The following KCNA2 variants were observed in gnomAD, a reference collection of about 807,000 sequenced individuals.
KCNA2 encodes the protein potassium channel, voltage gated shaker related subfamily A, member 2.
Under a neutral mutation model 33.4 loss-of-function variants are expected in KCNA2, and 11 were observed. The ratio of observed to expected loss-of-function variants is 0.33; its 90% CI spans 0.21 to 0.55. The LOEUF is 0.55. Ranked by LOEUF, KCNA2 falls within the 20% of genes least tolerant of loss-of-function variation. KCNA2 has a pLI of 0.93. For synonymous variants in KCNA2, 222 were observed against 231.3 expected, an observed-to-expected ratio of 0.96 and a Z score of 0.37; for missense variants, 291 against 621.6, an observed-to-expected ratio of 0.47 and a Z score of 5.66.
upstream of KCNA2, among the ~76,000 whole-genome samples, chr1:110,608,600 AG>A (rs1386962817): frequency 6.6e-6 from 1 of 152,154 alleles, no homozygotes; most frequent in Non-Finnish European, 1.5e-5. Context: ...CTAGAGCTGC[AG>A]GGGGTGGTCT....
Position 110,597,331 on chromosome 1 carries a change from T to C in KCNA2, c.*5952A>G, listed in dbSNP as rs1177022308. The C allele has an allele frequency of 1.0e-6, 1 of 985,106 alleles. No individual in the cohort carries two copies. The highest frequency in any genetic ancestry group is 1.1e-4 in the East Asian group (1 of 8,812). The allele number at this position is 985,106 out of a possible 1,614,324, so 61.0% of individuals were successfully genotyped here. On this transcript the variant is annotated 3_prime_UTR_variant, in exon 3 of 3. Transcript: ENST00000316361. Reference sequence around the variant, plus strand: ...GCTCAGGATGCTTTATTCTTATCTATTGGGAAGTGCTTTCGTGTAGGCTTC... The same window carrying C: ...GCTCAGGATGCTTTATTCTTATCTACTGGGAAGTGCTTTCGTGTAGGCTTC...
chr1:110,593,797 C>A lies in KCNA2; in HGVS notation c.*9486G>T. On this transcript the variant is annotated 3_prime_UTR_variant, in exon 3 of 3. Coordinates refer to ENST00000316361, the MANE Select transcript of KCNA2 (RefSeq NM_004974.4). ...TATAACCTATGTACAAATATCAGACCCTACTGACACAGGAACTCTCAGCTG... is the reference window on the plus strand; with the variant it reads ...TATAACCTATGTACAAATATCAGACACTACTGACACAGGAACTCTCAGCTG... The A allele has an allele frequency of 6.8e-7, 1 of 1,462,376 alleles. No individual in the cohort carries two copies. The highest frequency in any genetic ancestry group is 1.3e-5 in the South Asian group (1 of 78,816). The allele number at this position is 1,462,376 out of a possible 1,614,324, so 90.6% of individuals were successfully genotyped here.
intron 1 of KCNA2, among the ~76,000 whole-genome samples, chr1:110,615,799 C>T (rs557991082): frequency 2.1e-4 from 32 of 152,250 alleles, no homozygotes; most frequent in African/African-American, 7.0e-4. Context: ...GGGGCACAAA[C>T]GACAGCTAGG....
chr1:110,622,936 T>A (rs1260392145), intron 1 of KCNA2, among the ~76,000 whole-genome samples: 1 of 152,192 alleles, frequency 6.6e-6, no homozygotes, highest in Non-Finnish European at 1.5e-5. Flanking sequence ...AGAATCTCAA[T>A]AAAAATCTTG....
At chr1:110,605,312 C>T (rs896240021) in intron 2 of KCNA2, 79 bp downstream of exon 2, 1 of 155,030 alleles carries the variant, frequency 6.5e-6, no homozygotes, top group Non-Finnish European at 1.4e-5. Flanking sequence ...GGTTGGGGAG[C>T]TTGGGCCTGG....
intron 1 of KCNA2, among the ~76,000 whole-genome samples, chr1:110,619,948 A>G (rs1420957000): frequency 6.6e-6 from 1 of 152,024 alleles, no homozygotes; most frequent in Non-Finnish European, 1.5e-5. Context: ...TTAACGTCCT[A>G]GGAGACCACC....
At position 110,603,407 on chromosome 1, in the gene KCNA2, A is replaced by G. The variant is rs1240735950; in HGVS notation, c.1376T>C (p.Met459Thr). ...SASTISKSDY[M>T]EIQEGVNNSN... ...GTTATTTACACCCTCCTGGATCTCC[A>G]TGTAATCAGACTTACTAATGGTAGA... is the stretch of plus-strand genomic sequence containing the variant. Residue 459 changes from methionine (M) to threonine (T), a missense_variant, in exon 3 of 3, where the codon ATG becomes ACG. Physicochemically the swap from Met to Thr is moderately conservative, Grantham distance 81. Around this residue, in one of 5 missense-constraint regions of KCNA2, gnomAD observed 65 missense variants for 95.1 expected, o/e 0.68. Coordinates refer to ENST00000316361, the MANE Select transcript of KCNA2 (RefSeq NM_004974.4). This position sits in a 1 kb window ranked among gnomAD's most constrained non-coding sequence, Gnocchi z 5.7. 1.2e-6 allele frequency: 2 copies of G among 1,614,174 alleles called. No individual in the cohort carries two copies. Among genetic ancestry groups the G allele is most frequent in the Non-Finnish European group, 1.7e-6 (2 of 1,180,014 alleles).
chr1:110,627,097 A>G (rs1195784331), intron 1 of KCNA2, among the ~76,000 whole-genome samples: 6 of 152,204 alleles, frequency 3.9e-5, no homozygotes. Context: ...AACTGAAAAC[A>G]GAAGAGGTAA....
In KCNA2 at chr1:110,603,652, A is replaced by G; in HGVS notation, c.1131T>C (p.Tyr377=). The G allele has an allele frequency of 6.2e-7, 1 of 1,614,170 alleles. No homozygotes were observed. The highest frequency in any genetic ancestry group is 8.5e-7 in the Non-Finnish European group (1 of 1,180,042). The change falls in exon 3 of 3, where the codon TAT becomes TAC. Residue 377 remains tyrosine, a synonymous_variant. Transcript: ENST00000316361. The surrounding 1 kb of genome is among the most constrained non-coding windows in gnomAD (Gnocchi z 5.7). ...WAVVSMTTVG[Y]GDMVPTTIGG... Reference sequence around the variant, plus strand: ...CAATGGTAGTCGGAACCATGTCTCCATAGCCTACAGTTGTCATGGAGACGA... The same window carrying G: ...CAATGGTAGTCGGAACCATGTCTCCGTAGCCTACAGTTGTCATGGAGACGA...
chr1:110,614,862 C>T (rs1054671031), intron 1 of KCNA2, among the ~76,000 whole-genome samples: 1 of 152,180 alleles, frequency 6.6e-6, no homozygotes, highest in African/African-American at 2.4e-5. Flanking sequence ...GCTGGGATTC[C>T]AGCCCAGACT....
In KCNA2 at chr1:110,595,878, C is replaced by A. The variant is rs1218063983; in HGVS notation, c.*7405G>T. ...CTCACAAACCTCAAACCTAGGGCAC[C>A]ACCAATGACAAAGAGAATGCTAAAT... On this transcript the variant is annotated 3_prime_UTR_variant, in exon 3 of 3. Coordinates refer to ENST00000316361, the MANE Select transcript of KCNA2 (RefSeq NM_004974.4). 1 of 985,290 alleles carries A rather than the reference C, an allele frequency of 1.0e-6. No homozygotes were observed. Among genetic ancestry groups the A allele is most frequent in the Non-Finnish European group, 1.2e-6 (1 of 829,936 alleles). 61.0% of individuals were successfully genotyped at this position (985,290 alleles called of 1,614,324 possible).
chr1:110,622,167 T>C (rs1170826259), intron 1 of KCNA2, among the ~76,000 whole-genome samples: 1 of 152,162 alleles, frequency 6.6e-6, no homozygotes, highest in Non-Finnish European at 1.5e-5. Flanking sequence ...AAATGGAGTT[T>C]GTCATAGAAA....
chr1:110,626,756 C>G (rs1650401602), intron 1 of KCNA2, among the ~76,000 whole-genome samples: 1 of 152,052 alleles, frequency 6.6e-6, no homozygotes, highest in Non-Finnish European at 1.5e-5. Flanking sequence ...CAGCCCTTAC[C>G]TCTACACAAG....
At position 110,603,948 on chromosome 1, in the gene KCNA2, C is replaced by T; in HGVS notation, c.835G>A (p.Glu279Lys). Residue 279 changes from glutamate (E) to lysine (K), a missense_variant, in exon 3 of 3, where the codon GAG becomes AAG. By Grantham distance (56) the Glu-to-Lys change is moderately conservative. Transcript: ENST00000316361. The surrounding 1 kb of genome is among the most constrained non-coding windows in gnomAD (Gnocchi z 5.7). ...GCCTGCTGGCCTTGCTGAGCGTCCT[C>T]TGGCTTCTCAGCCAACTCTGTCCCC... ...TLGTELAEKP[E>K]DAQQGQQAMS... The T allele has an allele frequency of 1.9e-6, 3 of 1,614,204 alleles. No individual in the cohort carries two copies. Among genetic ancestry groups the T allele is most frequent in the South Asian group, 1.1e-5 (1 of 91,084 alleles).
In KCNA2 at chr1:110,596,335, C is replaced by CTATA. The variant is rs141819879; in HGVS notation, c.*6944_*6947dup. On this transcript the variant is annotated 3_prime_UTR_variant, in exon 3 of 3. Coordinates refer to ENST00000316361, the MANE Select transcript of KCNA2 (RefSeq NM_004974.4). Reference sequence around the variant, plus strand: ...AAAATAGTATACATATATACATATACTATATATATATATATACACACATAA... The same window carrying CTATA: ...AAAATAGTATACATATATACATATACTATATATATATATATATATACACACATAA... 166 of 335,578 alleles carry CTATA rather than the reference C, an allele frequency of 4.9e-4. No homozygotes were observed. Among genetic ancestry groups the CTATA allele is most frequent in the African/African-American group, 2.0e-3 (86 of 43,452 alleles). The allele number at this position is 335,578 out of a possible 1,614,324, so 20.8% of individuals were successfully genotyped here.
rs1366095545 is a variant in KCNA2 at position 110,600,127 on chromosome 1, T to C, written c.*3156A>G. The C allele has an allele frequency of 1.0e-6, 1 of 984,624 alleles. No individual in the cohort carries two copies. Among genetic ancestry groups the C allele is most frequent in the Non-Finnish European group, 1.2e-6 (1 of 829,828 alleles). 61.0% of individuals were successfully genotyped at this position (984,624 alleles called of 1,614,324 possible). A position where few individuals can be genotyped will look rare whatever the true frequency, so the allele number is the denominator to read the frequency against. On this transcript the variant is annotated 3_prime_UTR_variant, in exon 3 of 3. Transcript: ENST00000316361. Reference sequence around the variant, plus strand: ...CAGGCCAGGCAAAGGTGATTACATCTGATCTTTTGTTTGTGCCTGTTAATT... The same window carrying C: ...CAGGCCAGGCAAAGGTGATTACATCCGATCTTTTGTTTGTGCCTGTTAATT...
intron 1 of KCNA2, among the ~76,000 whole-genome samples, chr1:110,615,444 T>G (rs1650019073): frequency 6.6e-6 from 1 of 152,198 alleles, no homozygotes; most frequent in Non-Finnish European, 1.5e-5. Context: ...ACATACATAT[T>G]TTCTGAATTG....
rs538042859 is a variant in KCNA2 at position 110,600,132 on chromosome 1, T to G, written c.*3151A>C. On this transcript the variant is annotated 3_prime_UTR_variant, in exon 3 of 3. Transcript: ENST00000316361. ...CAGGCAAAGGTGATTACATCTGATCTTTTGTTTGTGCCTGTTAATTCATAG... is the reference window on the plus strand; with the variant it reads ...CAGGCAAAGGTGATTACATCTGATCGTTTGTTTGTGCCTGTTAATTCATAG... 1.2e-4 allele frequency: 120 copies of G among 984,552 alleles called. No homozygotes were observed. In the Middle Eastern group the frequency reaches 2.1e-3, roughly 17 times the overall value. 61.0% of individuals were successfully genotyped at this position (984,552 alleles called of 1,614,324 possible).
chr1:110,596,889 T>C lies in KCNA2; in HGVS notation c.*6394A>G. ...GAATGGGACCCTGGGGTTGCCAGCC[T>C]TCCCTGATTGTCCAGTCTGAACATT... On this transcript the variant is annotated 3_prime_UTR_variant, in exon 3 of 3. Coordinates refer to ENST00000316361, the MANE Select transcript of KCNA2 (RefSeq NM_004974.4). 1 of 985,472 alleles carries C rather than the reference T, an allele frequency of 1.0e-6. No homozygotes were observed. Among genetic ancestry groups the C allele is most frequent in the Non-Finnish European group, 1.2e-6 (1 of 829,948 alleles). 61.0% of individuals were successfully genotyped at this position (985,472 alleles called of 1,614,324 possible).
Sources: gnomAD v4.1 joint callset for allele counts (sites outside exome capture counted in the v4.1 genomes callset) on GRCh38, gnomAD v4.1.1 for gene constraint, gnomAD v4.1.1 regional missense constraint, Gnocchi (gnomAD v3.1) non-coding constraint, MANE v1.5 for transcripts, NCBI Gene and HGNC (gene_info 2026-07-23, HGNC 2026-07-21) for gene names.